The following BRD4 variants were observed in gnomAD, a reference collection of about 807,000 sequenced individuals.
BRD4 encodes bromodomain containing 4, also known as bromodomain-containing protein 4.
Under a neutral mutation model 142.1 loss-of-function variants are expected in BRD4, and 16 were observed. The ratio of observed to expected loss-of-function variants is 0.11; its 90% CI spans 0.08 to 0.17. The LOEUF (loss-of-function observed/expected upper bound fraction) is 0.17, where lower values mean the gene tolerates loss of function less well. Ranked by LOEUF, BRD4 falls within the 10% of genes least tolerant of loss-of-function variation. The pLI, the probability that BRD4 is intolerant of heterozygous loss-of-function variation, is 1.00. For synonymous variants in BRD4, 833 were observed against 707.5 expected (o/e 1.18, Z -2.82); for missense variants, 1,424 against 1,810.9 (o/e 0.79, Z 3.88).
Position 15,239,338 on chromosome 19 carries a change from A to C in BRD4, c.3576+54T>G, listed in dbSNP as rs1169304309. On this transcript the variant is annotated intron_variant, in intron 17 of 19. Coordinates refer to ENST00000679869, the MANE Select transcript of BRD4 (RefSeq NM_001379291.1). The surrounding 1 kb of genome is among the most constrained non-coding windows in gnomAD (Gnocchi z 7.4). ...GGGCATAGCTGGGGGTGTGCCCAGC[A>C]TGGCACCTTCCAGGGCCAAGGGGCA... 7 of 1,613,970 alleles carry C rather than the reference A, an allele frequency of 4.3e-6. No individual in the cohort carries two copies. The highest frequency in any genetic ancestry group is 5.9e-6 in the Non-Finnish European group (7 of 1,180,026).
chr19:15,327,473 G>T (rs1416299712), intron 1 of BRD4, among the ~76,000 whole-genome samples: 1 of 152,096 alleles, frequency 6.6e-6, no homozygotes, highest in Non-Finnish European at 1.5e-5. Context: ...GAACCCGGGG[G>T]GTGGAGGCTG....
intron 1 of BRD4, among the ~76,000 whole-genome samples, chr19:15,282,657 GTGCCCTTCAC>G (rs1225104155): frequency 1.3e-5 from 2 of 152,230 alleles, no homozygotes; most frequent in Non-Finnish European, 2.9e-5. Context: ...TGACTCAGCT[GTGCCCTTCAC>G]AGTTAAGAGT....
At chr19:15,260,903 C>T (rs2047462704) in intron 7 of BRD4, among the ~76,000 whole-genome samples, 1 of 151,202 alleles carries the variant, frequency 6.6e-6, no homozygotes, top group Non-Finnish European at 1.5e-5. Flanking sequence ...AAAAATGAGA[C>T]AAAAATGAGG....
chr19:15,244,125 G>A lies in BRD4; in HGVS notation c.2581+106C>T, dbSNP rs566901845. ...CCACAGATCTTCCCTCTAGAGACCAGAGCAGCTGAGGCTAAGAAGCTGCCC... is the reference window on the plus strand; with the variant it reads ...CCACAGATCTTCCCTCTAGAGACCAAAGCAGCTGAGGCTAAGAAGCTGCCC... On this transcript the variant is annotated intron_variant, in intron 13 of 19. Coordinates refer to ENST00000679869, the MANE Select transcript of BRD4 (RefSeq NM_001379291.1). 5.7e-5 allele frequency: 87 copies of A among 1,529,454 alleles called. No individual in the cohort carries two copies. In the East Asian group the frequency reaches 2.1e-3, roughly 36 times the overall value. 94.7% of individuals were successfully genotyped at this position (1,529,454 alleles called of 1,614,324 possible). A position where few individuals can be genotyped will look rare whatever the true frequency, so the allele number is the denominator to read the frequency against.
At chr19:15,312,540 G>C (rs562735279) in intron 1 of BRD4, among the ~76,000 whole-genome samples, 3 of 152,320 alleles carry the variant, frequency 2.0e-5, no homozygotes, top group Non-Finnish European at 4.4e-5. Context: ...GCTGAGGCAG[G>C]AGAATTGCTT....
intron 1 of BRD4, among the ~76,000 whole-genome samples, chr19:15,314,707 A>G (rs1221959893): frequency 6.6e-6 from 1 of 152,204 alleles, no homozygotes; most frequent in Non-Finnish European, 1.5e-5. Context: ...GGGTGACAAC[A>G]GCCCTACTGA....
chr19:15,299,235 CAT>C (rs1255082239), intron 1 of BRD4, among the ~76,000 whole-genome samples: 6 of 152,286 alleles, frequency 3.9e-5, no homozygotes, highest in Admixed American at 2.0e-4. Context: ...GTGACCATCA[CAT>C]AGAGAATGAA....
At chr19:15,328,580 T>C (rs943493577) in intron 1 of BRD4, among the ~76,000 whole-genome samples, 1 of 152,248 alleles carries the variant, frequency 6.6e-6, no homozygotes, top group Non-Finnish European at 1.5e-5. Flanking sequence ...CGAACAATTA[T>C]GTCCACGGCT....
Position 15,237,757 on chromosome 19 carries a change from C to A in BRD4, c.*620G>T, listed in dbSNP as rs200955284. On this transcript the variant is annotated 3_prime_UTR_variant, in exon 20 of 20. Transcript: ENST00000679869. Reference sequence around the variant, plus strand: ...CTCCGGATGCCATGGACACACACACCTCCACGGCACTATTCCCTTTTGCAC... The same window carrying A: ...CTCCGGATGCCATGGACACACACACATCCACGGCACTATTCCCTTTTGCAC... 1.7e-5 allele frequency: 4 copies of A among 232,952 alleles called. No individual in the cohort carries two copies. Among genetic ancestry groups the A allele is most frequent in the Non-Finnish European group, 3.4e-5 (4 of 117,880 alleles). 14.4% of individuals were successfully genotyped at this position (232,952 alleles called of 1,614,324 possible).
At chr19:15,265,216 C>G in intron 5 of BRD4, 138 bp downstream of exon 5, 1 of 892,174 alleles carries the variant, frequency 1.1e-6, no homozygotes, top group Non-Finnish European at 1.6e-6. Context: ...TTCTGGGCTG[C>G]AATTTCAACA....
rs140568514 is a variant in BRD4, at chr19:15,251,630, GC to G, written c.2158+2521del. On this transcript the variant is annotated intron_variant, in intron 11 of 19. Coordinates refer to ENST00000679869, the MANE Select transcript of BRD4 (RefSeq NM_001379291.1). ...CTGCTGAAGGAGCTACGCCCCCTCT[GC>G]CCCCCGCCCTGAGAGTGCAGAGTCC... Among the ~76,000 whole-genome samples, 109 of 152,234 alleles carry G rather than the reference GC, an allele frequency of 7.2e-4. 1 individual carries two copies. The highest frequency in any genetic ancestry group is 1.2e-3 in the Non-Finnish European group (81 of 68,012).
At chr19:15,243,748 C>T (rs558189839) in intron 13 of BRD4, among the ~76,000 whole-genome samples, 19 of 152,298 alleles carry the variant, frequency 1.2e-4, no homozygotes, top group Admixed American at 2.6e-4. Flanking sequence ...TGGCCCTTCA[C>T]GCCTCAGTGC....
chr19:15,289,504 T>C lies in BRD4; in HGVS notation c.-34-16371A>G, dbSNP rs571190879. Among the ~76,000 whole-genome samples, 58 of 152,144 alleles carry C rather than the reference T, an allele frequency of 3.8e-4. No homozygotes were observed. The South Asian group carries it at 6.6e-3, about 17-fold the overall frequency. ...AGGCGGAGGTTGCGATGAGCCGAGA[T>C]CGCGCCACTGCACTCCAGCCTGGGC... On this transcript the variant is annotated intron_variant, in intron 1 of 19. Coordinates refer to ENST00000679869, the MANE Select transcript of BRD4 (RefSeq NM_001379291.1).
chr19:15,240,329 T>A (rs2047228608), intron 14 of BRD4, among the ~76,000 whole-genome samples: 1 of 152,192 alleles, frequency 6.6e-6, no homozygotes, highest in African/African-American at 2.4e-5. Flanking sequence ...GACCCTCCTG[T>A]GTGCATCAGA....
intron 1 of BRD4, among the ~76,000 whole-genome samples, chr19:15,325,997 CAAAAAAAAAA>C (rs35801340): frequency 5.9e-5 from 3 of 50,714 alleles, no homozygotes; most frequent in Middle Eastern, 0.012. Context: ...GACTCCGTCT[CAAAAAAAAAA>C]AAAAAAAAAA....
intron 1 of BRD4, among the ~76,000 whole-genome samples, chr19:15,328,977 T>C (rs1443796283): frequency 5.9e-5 from 9 of 152,294 alleles, no homozygotes; most frequent in Admixed American, 6.5e-5. Flanking sequence ...TTCTCCATGT[T>C]TGTCAGGCTG....
chr19:15,273,816 C>CTTTTTTT (rs920676613), intron 1 of BRD4, among the ~76,000 whole-genome samples: 2 of 127,382 alleles, frequency 1.6e-5, no homozygotes, highest in African/African-American at 2.8e-5. Flanking sequence ...CTACCATTTT[C>CTTTTTTT]TTTTTTTTTT....
chr19:15,247,996 G>C (rs879868944), intron 11 of BRD4: 13 of 221,578 alleles, frequency 5.9e-5, no homozygotes, highest in African/African-American at 2.5e-4. Flanking sequence ...CAGGTGGGGA[G>C]CCTGCACCCA....
chr19:15,271,102 C>T (rs1435792548), intron 2 of BRD4, among the ~76,000 whole-genome samples: 1 of 152,154 alleles, frequency 6.6e-6, no homozygotes, highest in East Asian at 1.9e-4. Flanking sequence ...TTGTCTGTCC[C>T]GCTGGCCAGC....
Sources: gnomAD v4.1 joint callset for allele counts (sites outside exome capture counted in the v4.1 genomes callset) on GRCh38, gnomAD v4.1.1 for gene constraint, Gnocchi (gnomAD v3.1) non-coding constraint, MANE v1.5 for transcripts, NCBI Gene and HGNC (gene_info 2026-07-23, HGNC 2026-07-21) for gene names.